The following HS2ST1 variants were observed in gnomAD, a reference collection of about 807,000 sequenced individuals.
HS2ST1 encodes 2-O-sulfotransferase.
HS2ST1 carries 18 observed loss-of-function variants against 42.9 expected under a neutral mutation model. The ratio of observed to expected loss-of-function variants is 0.42; its 90% CI spans 0.29 to 0.62. The LOEUF is 0.62. Ranked by LOEUF, HS2ST1 falls within the 20% of genes least tolerant of loss-of-function variation. The probability of loss-of-function intolerance (pLI) is 0.21; values close to 1 mark genes in which losing one functional copy is unlikely to be tolerated. For synonymous variants in HS2ST1, 146 were observed against 152.9 expected, an observed-to-expected ratio of 0.95 and a Z score of 0.33; for missense variants, 334 against 433.8, an observed-to-expected ratio of 0.77 and a Z score of 2.04.
At chr1:87,047,893 A>G (rs535340760) in intron 1 of HS2ST1, among the ~76,000 whole-genome samples, 4 of 152,148 alleles carry the variant, frequency 2.6e-5, no homozygotes, top group East Asian at 1.9e-4. Flanking sequence ...AAATCCTTCA[A>G]TTTTCTTATT....
chr1:86,980,053 G>T (rs1469221665), intron 1 of HS2ST1, among the ~76,000 whole-genome samples: 1 of 152,110 alleles, frequency 6.6e-6, no homozygotes, highest in Non-Finnish European at 1.5e-5. Context: ...CAATGTATTT[G>T]TTACATTAAG....
intron 1 of HS2ST1, among the ~76,000 whole-genome samples, chr1:86,976,805 T>C (rs1387560830): frequency 6.8e-6 from 1 of 146,820 alleles, no homozygotes; most frequent in African/African-American, 2.5e-5. Context: ...GTGTGATGGC[T>C]CATACTTGTA....
In HS2ST1 at chr1:87,103,561, C is replaced by T. The variant is rs1652265213; in HGVS notation, c.816C>T (p.Phe272=). The T allele has an allele frequency of 1.2e-6, 2 of 1,611,304 alleles. No homozygotes were observed. The highest frequency in any genetic ancestry group is 1.7e-6 in the Non-Finnish European group (2 of 1,178,890). The stretch of plus-strand genomic sequence containing the variant: ...TGGAGGCAGCATTGCCCCGGTTTTT[C>T]AGGGGTGCTACTGAACTCTATCGCA... The part of the protein sequence containing the change: ...MLLEAALPRF[F]RGATELYRTG... The change falls in exon 6 of 7, where the codon TTC becomes TTT. Residue 272 remains phenylalanine, a synonymous_variant. Transcript: ENST00000370550.
rs1432778091 is a variant in HS2ST1 at position 87,012,629 on chromosome 1, A to AC, written c.125-60304dup. The stretch of plus-strand genomic sequence containing the variant: ...GGCCCCTCCCAAATCTCATGTCCTC[A>AC]CATTCCAAAATGAATCATGCCTTCC... On this transcript the variant is annotated intron_variant, in intron 1 of 6. Transcript: ENST00000370550. 2.0e-5 allele frequency among the ~76,000 whole-genome samples: 3 copies of AC among 152,162 alleles called. No homozygotes were observed. In the East Asian group the frequency reaches 5.8e-4, roughly 29 times the overall value.
In HS2ST1 at chr1:87,084,215, A is replaced by G. The variant is rs1406252160; in HGVS notation, c.385A>G (p.Thr129Ala). Residue 129 changes from threonine to alanine, a missense_variant, in exon 3 of 7, where the codon ACT becomes GCT. Transcript: ENST00000370550. Reference sequence around the variant, plus strand: ...TTAGGTGCGCTTTGTAAAGAATATAACTTCCTGGAAAGAGATGAAACCAGG... The same window carrying G: ...TTAGGTGCGCTTTGTAAAGAATATAGCTTCCTGGAAAGAGATGAAACCAGG... The part of the protein sequence containing the change: ...QDQVRFVKNI[T>A]SWKEMKPGFY... The G allele has an allele frequency of 6.2e-7, 1 of 1,603,760 alleles. No homozygotes were observed. Among genetic ancestry groups the G allele is most frequent in the Non-Finnish European group, 8.5e-7 (1 of 1,174,928 alleles).
rs1652298023 is a variant in HS2ST1, at chr1:87,104,925, ACCT to A, written c.*233_*235del. ...TGGCTAAACGTTGGTGAAAGTTATA[ACCT>A]CCTGCCTGGGAGAAAATATACATCA... On this transcript the variant is annotated 3_prime_UTR_variant, in exon 7 of 7. Coordinates refer to ENST00000370550, the MANE Select transcript of HS2ST1 (RefSeq NM_012262.4). 1 of 452,030 alleles carries A rather than the reference ACCT, an allele frequency of 2.2e-6. No individual in the cohort carries two copies. Among genetic ancestry groups the A allele is most frequent in the East Asian group, 3.5e-5 (1 of 28,250 alleles). 28.0% of individuals were successfully genotyped at this position (452,030 alleles called of 1,614,324 possible).
chr1:87,088,123 C>G (rs1023643543), intron 3 of HS2ST1, among the ~76,000 whole-genome samples: 1 of 151,998 alleles, frequency 6.6e-6, no homozygotes, highest in Non-Finnish European at 1.5e-5. Flanking sequence ...ACCATATTGT[C>G]TTAACTGGTG....
At chr1:86,917,290 C>T (rs543417706) in intron 1 of HS2ST1, among the ~76,000 whole-genome samples, 2 of 152,092 alleles carry the variant, frequency 1.3e-5, no homozygotes, top group East Asian at 3.9e-4. Context: ...AGGCCGAGGC[C>T]GGCGGATCAT....
intron 2 of HS2ST1, among the ~76,000 whole-genome samples, chr1:87,078,477 A>G (rs941138065): frequency 6.6e-6 from 1 of 152,184 alleles, no homozygotes; most frequent in African/African-American, 2.4e-5. Context: ...GCTGCGTTTC[A>G]TGTACTATAT....
At chr1:86,966,416 TA>T (rs1570452355) in intron 1 of HS2ST1, among the ~76,000 whole-genome samples, 2 of 152,192 alleles carry the variant, frequency 1.3e-5, no homozygotes, top group African/African-American at 4.8e-5. Context: ...CAGTTAGGGT[TA>T]GGGGGCATTG....
chr1:87,043,978 T>C (rs1395818787), intron 1 of HS2ST1, among the ~76,000 whole-genome samples: 2 of 152,034 alleles, frequency 1.3e-5, no homozygotes, highest in Admixed American at 1.3e-4. Flanking sequence ...TGCTGTAAAA[T>C]TTATATAACC....
chr1:86,987,229 G>A (rs1648813466), intron 1 of HS2ST1, among the ~76,000 whole-genome samples: 6 of 151,720 alleles, frequency 4.0e-5, no homozygotes, highest in African/African-American at 9.7e-5. Context: ...ACTGCCTGCC[G>A]CCACGCCGGG....
In HS2ST1 at chr1:87,018,228, A is replaced by G. The variant is rs576234059; in HGVS notation, c.125-54706A>G. Among the ~76,000 whole-genome samples the G allele has an allele frequency of 2.3e-4, 35 of 152,202 alleles. No homozygotes were observed. In the South Asian group the frequency reaches 5.8e-3, roughly 25 times the overall value. The stretch of plus-strand genomic sequence containing the variant: ...CGTTTACTGCCCTGGGAAAATGGAG[A>G]TGAATCCTTTAAATATTTTTCCTTT... On this transcript the variant is annotated intron_variant, in intron 1 of 6. Transcript: ENST00000370550.
At chr1:87,023,793 C>T (rs900189576) in intron 1 of HS2ST1, among the ~76,000 whole-genome samples, 7 of 151,310 alleles carry the variant, frequency 4.6e-5, no homozygotes, top group African/African-American at 1.7e-4. Flanking sequence ...TCTAAGGTAT[C>T]GTTTGTGTTA....
At chr1:86,921,592 G>C (rs893651559) in intron 1 of HS2ST1, among the ~76,000 whole-genome samples, 3 of 152,096 alleles carry the variant, frequency 2.0e-5, no homozygotes, top group African/African-American at 4.8e-5. Context: ...GCTTGTGGCA[G>C]TGTGTTCTCT....
intron 1 of HS2ST1, among the ~76,000 whole-genome samples, chr1:86,979,381 C>G (rs937226050): frequency 6.6e-6 from 1 of 152,160 alleles, no homozygotes; most frequent in East Asian, 1.9e-4. Flanking sequence ...CCCCCAGCCC[C>G]TGGGTAACCA....
intron 1 of HS2ST1, among the ~76,000 whole-genome samples, chr1:86,982,169 G>A (rs954126288): frequency 3.3e-5 from 5 of 152,184 alleles, no homozygotes; most frequent in African/African-American, 9.6e-5. Flanking sequence ...GGAATGCAGG[G>A]TGCTCTCCTG....
intron 1 of HS2ST1, among the ~76,000 whole-genome samples, chr1:86,942,614 A>T (rs1660786931): frequency 6.6e-6 from 1 of 152,284 alleles, no homozygotes; most frequent in East Asian, 1.9e-4. Flanking sequence ...TTTGGGGGGT[A>T]CTTTTTCTGC....
At chr1:86,927,242 T>C (rs1660440793) in intron 1 of HS2ST1, among the ~76,000 whole-genome samples, 1 of 152,216 alleles carries the variant, frequency 6.6e-6, no homozygotes, top group Admixed American at 6.5e-5. Flanking sequence ...GTTGCATGTA[T>C]AGAAAATGCA....
Sources: allele counts gnomAD v4.1 joint callset (sites outside exome capture counted in the v4.1 genomes callset), GRCh38; gene constraint gnomAD v4.1.1; transcripts MANE v1.5; gene names NCBI Gene and HGNC (gene_info 2026-07-23, HGNC 2026-07-21).